Variants in PTPRM observed in about 807,000 individuals in gnomAD.
PTPRM encodes receptor-type tyrosine-protein phosphatase mu.
In PTPRM, 47 loss-of-function variants were observed where a neutral mutation model predicts 186.7. The ratio of observed to expected loss-of-function variants is 0.25; its 90% CI spans 0.20 to 0.32. The LOEUF (loss-of-function observed/expected upper bound fraction) is 0.32, where lower values mean the gene tolerates loss of function less well. Among genes scored for constraint, PTPRM ranks in the 10% least tolerant of loss-of-function variants. The probability of loss-of-function intolerance (pLI) is 1.00; values close to 1 mark genes in which losing one functional copy is unlikely to be tolerated. For missense variants in PTPRM, 1,494 were observed against 1,865.0 expected (o/e 0.80, Z 3.66); for synonymous variants, 668 against 674.9 (o/e 0.99, Z 0.16).
Position 7,760,659 on chromosome 18 carries a change from A to G in PTPRM, c.74-13490A>G, listed in dbSNP as rs564377160. On this transcript the variant is annotated intron_variant, in intron 1 of 32. Coordinates refer to ENST00000580170, the MANE Select transcript of PTPRM (RefSeq NM_001105244.2). ...GTAGCTAGATAGGTAAGTGCGTCCCAGGTAGCTAGATAGGTAAGTAGGTCG... is the reference window on the plus strand; with the variant it reads ...GTAGCTAGATAGGTAAGTGCGTCCCGGGTAGCTAGATAGGTAAGTAGGTCG... Among the ~76,000 whole-genome samples the G allele has an allele frequency of 2.8e-4, 43 of 152,304 alleles. 1 individual carries two copies. Among genetic ancestry groups the G allele is most frequent in the Admixed American group, 1.3e-3 (20 of 15,296 alleles).
At chr18:8,290,384 T>C (rs72916830) in intron 19 of PTPRM, among the ~76,000 whole-genome samples, 4,638 of 152,288 alleles carry the variant, frequency 0.03, 106 homozygotes, top group South Asian at 0.066. Flanking sequence ...GCAGCTTTTC[T>C]GTTGAATAGG....
At chr18:8,336,026 AAAATAAAT>A (rs10565797) in intron 22 of PTPRM, among the ~76,000 whole-genome samples, 16 of 150,580 alleles carry the variant, frequency 1.1e-4, no homozygotes, top group Non-Finnish European at 1.5e-4. Flanking sequence ...TGTCTCATAA[AAAATAAAT>A]AAATAAATAA....
chr18:7,592,905 C>T (rs117508684), intron 1 of PTPRM, among the ~76,000 whole-genome samples: 160 of 152,142 alleles, frequency 1.1e-3, no homozygotes, highest in Non-Finnish European at 5.4e-4. Context: ...TGAAGGGAGA[C>T]TCGGAGGTTC....
intron 2 of PTPRM, among the ~76,000 whole-genome samples, chr18:7,805,173 A>G (rs2044170644): frequency 6.6e-6 from 1 of 152,244 alleles, no homozygotes; most frequent in African/African-American, 2.4e-5. Flanking sequence ...GACTTGAAGC[A>G]CATCTCCAAA....
intron 5 of PTPRM, among the ~76,000 whole-genome samples, chr18:7,933,073 C>T (rs966266455): frequency 1.3e-5 from 2 of 152,194 alleles, no homozygotes; most frequent in Non-Finnish European, 2.9e-5. Context: ...CCAACAAATC[C>T]CACCACCTAC....
chr18:7,888,041 G>A (rs949327492), intron 2 of PTPRM, 65 bp from the exon 3 acceptor site: 1 of 1,597,938 alleles, frequency 6.3e-7, no homozygotes. Context: ...AATGGTGGTG[G>A]GTTTTCAGAG....
At chr18:8,257,012 C>T (rs781640886) in intron 19 of PTPRM, among the ~76,000 whole-genome samples, 5 of 152,192 alleles carry the variant, frequency 3.3e-5, no homozygotes, top group African/African-American at 4.8e-5. Flanking sequence ...ACTGCTTCTC[C>T]GCTGTCCCCT....
intron 14 of PTPRM, among the ~76,000 whole-genome samples, chr18:8,218,369 CG>C (rs1184371167): frequency 6.8e-6 from 1 of 146,032 alleles, no homozygotes; most frequent in Non-Finnish European, 1.5e-5. Context: ...TTTAGAAGAA[CG>C]GTTAAACTAT....
chr18:8,357,668 A>C (rs1244250098), intron 23 of PTPRM, among the ~76,000 whole-genome samples: 2 of 152,226 alleles, frequency 1.3e-5, no homozygotes, highest in Non-Finnish European at 2.9e-5. Context: ...TAGGCAACGA[A>C]ATGGCTATTT....
intron 2 of PTPRM, among the ~76,000 whole-genome samples, chr18:7,784,816 G>T (rs1207186761): frequency 6.6e-6 from 1 of 152,340 alleles, no homozygotes; most frequent in Non-Finnish European, 1.5e-5. Flanking sequence ...ACATCAGCCT[G>T]CAGTCTTCCA....
chr18:8,398,659 A>G (rs544293238), intron 32 of PTPRM, among the ~76,000 whole-genome samples: 14 of 152,056 alleles, frequency 9.2e-5, no homozygotes, highest in African/African-American at 3.4e-4. Context: ...AATCCCAGCT[A>G]CTTGGGAGGC....
rs140944310 is a variant in PTPRM, at chr18:8,106,404, T to G, written c.1857-7082T>G. Among the ~76,000 whole-genome samples the G allele has an allele frequency of 3.7e-3, 559 of 151,994 alleles. 1 individual carries two copies. Among genetic ancestry groups the G allele is most frequent in the African/African-American group, 0.013 (520 of 41,450 alleles). On this transcript the variant is annotated intron_variant, in intron 11 of 32. Transcript: ENST00000580170. Reference sequence around the variant, plus strand: ...TAGCATTGCAGGAGCAGTTTTAGGGTGAGAACATTTGGGCACTTGGTTCAG... The same window carrying G: ...TAGCATTGCAGGAGCAGTTTTAGGGGGAGAACATTTGGGCACTTGGTTCAG...
At chr18:8,358,144 C>T (rs1445092904) in intron 23 of PTPRM, among the ~76,000 whole-genome samples, 2 of 151,730 alleles carry the variant, frequency 1.3e-5, no homozygotes, top group Non-Finnish European at 2.9e-5. Flanking sequence ...CCCCCCCACA[C>T]ACACACACAT....
intron 23 of PTPRM, among the ~76,000 whole-genome samples, chr18:8,347,001 A>G (rs527719080): frequency 6.6e-6 from 1 of 152,260 alleles, no homozygotes; most frequent in Non-Finnish European, 1.5e-5. Context: ...ATCTGCTTTC[A>G]TGTGCTTGTG....
At chr18:7,994,116 A>T (rs1243205760) in intron 7 of PTPRM, among the ~76,000 whole-genome samples, 12 of 152,102 alleles carry the variant, frequency 7.9e-5, no homozygotes, top group African/African-American at 2.7e-4. Flanking sequence ...AAGTGAAGAG[A>T]TGGGAAAAAA....
intron 13 of PTPRM, among the ~76,000 whole-genome samples, chr18:8,138,807 G>A (rs1231432202): frequency 6.6e-6 from 1 of 152,100 alleles, no homozygotes; most frequent in African/African-American, 2.4e-5. Flanking sequence ...GGTATCATTA[G>A]CATTCGCATT....
Position 8,253,385 on chromosome 18 carries a change from G to A in PTPRM, c.2725G>A (p.Glu909Lys), listed in dbSNP as rs1447385666. The A allele has an allele frequency of 6.4e-7, 1 of 1,554,754 alleles. No homozygotes were observed. The highest frequency in any genetic ancestry group is 8.7e-7 in the Non-Finnish European group (1 of 1,151,174). Residue 909 changes from glutamate (E) to lysine (K), a missense_variant, in exon 19 of 33, where the codon GAG (glutamate) becomes AAG (lysine). Coordinates refer to ENST00000580170, the MANE Select transcript of PTPRM (RefSeq NM_001105244.2). ...GCACATCACACAGATGAAGTGTGCGGAGGGCTACGGCTTCAAGGAGGAATA... is the reference window on the plus strand; with the variant it reads ...GCACATCACACAGATGAAGTGTGCGAAGGGCTACGGCTTCAAGGAGGAATA... ...LQHITQMKCA[E>K]GYGFKEEYES... is the part of the protein sequence containing the mutation.
chr18:8,253,440 T>C, intron 19 of PTPRM, 26 bp downstream of exon 19: 2 of 1,397,296 alleles, frequency 1.4e-6, no homozygotes, highest in Non-Finnish European at 1.9e-6. Context: ...GTGCCAGGGC[T>C]TTCCCATTCC....
At chr18:7,900,710 A>G (rs1219015498) in intron 3 of PTPRM, among the ~76,000 whole-genome samples, 1 of 152,252 alleles carries the variant, frequency 6.6e-6, no homozygotes, top group Non-Finnish European at 1.5e-5. Context: ...GTGAACTCAG[A>G]AAAATTACTT....
Sources: gnomAD v4.1 joint callset for allele counts (sites outside exome capture counted in the v4.1 genomes callset) on GRCh38, gnomAD v4.1.1 for gene constraint, MANE v1.5 for transcripts, NCBI Gene and HGNC (gene_info 2026-07-23, HGNC 2026-07-21) for gene names.